The following FNBP4 variants were observed in gnomAD, a reference collection of about 807,000 sequenced individuals.
FNBP4 encodes the protein formin binding protein 4, also known as formin-binding protein 4.
A neutral mutation model predicts 119.3 loss-of-function variants in FNBP4; 34 were observed. That is an observed-to-expected ratio of 0.28 (90% CI 0.22 to 0.38). The LOEUF (loss-of-function observed/expected upper bound fraction) is 0.38. Among genes scored for constraint, FNBP4 ranks in the 10% least tolerant of loss-of-function variants. The probability of loss-of-function intolerance (pLI) is 1.00; values close to 1 mark genes in which losing one functional copy is unlikely to be tolerated. For missense variants in FNBP4, 1,112 were observed against 1,228.9 expected (o/e 0.90, Z 1.42); for synonymous variants, 462 against 430.6 (o/e 1.07, Z -0.90).
At chr11:47,717,635 A>G in intron 16 of FNBP4, 123 bp from the exon 17 acceptor site, 2 of 732,470 alleles carry the variant, frequency 2.7e-6, no homozygotes, top group South Asian at 3.5e-5. Flanking sequence ...GTTTATGAAA[A>G]TCTTTTGTTT....
At chr11:47,722,356 C>G (rs2097556799) in intron 15 of FNBP4, among the ~76,000 whole-genome samples, 1 of 151,650 alleles carries the variant, frequency 6.6e-6, no homozygotes. Context: ...TCAAGCGACT[C>G]TCCCGCCTCA....
intron 15 of FNBP4, among the ~76,000 whole-genome samples, chr11:47,722,126 G>A (rs181264558): frequency 7.0e-6 from 1 of 142,270 alleles, no homozygotes; most frequent in Admixed American, 7.4e-5. Context: ...CAGAAGAAAG[G>A]TTCTACAAAA....
At chr11:47,743,193 A>G (rs1260756580) in intron 8 of FNBP4, among the ~76,000 whole-genome samples, 1 of 152,098 alleles carries the variant, frequency 6.6e-6, no homozygotes, top group African/African-American at 2.4e-5. Flanking sequence ...TTTCCACTAC[A>G]GAATTAGGGC....
At chr11:47,743,695 C>T (rs1031843795) in intron 8 of FNBP4, 35 of 468,528 alleles carry the variant, frequency 7.5e-5, no homozygotes, top group African/African-American at 1.4e-4. Flanking sequence ...GGCTGGGCAA[C>T]GTAGACAGAG....
chr11:47,732,065 C>T lies in FNBP4; in HGVS notation c.1820+472G>A, dbSNP rs1328550940. On this transcript the variant is annotated intron_variant, in intron 11 of 16. Transcript: ENST00000263773. The surrounding 1 kb of genome is among the most constrained non-coding windows in gnomAD (Gnocchi z 4.2). ...ATAAAAGAGCAAAGATTTCAAATAA[C>T]GAAAAAAAAATCAAGAAAAGCCAAA... 100 of 990,772 alleles carry T rather than the reference C, an allele frequency of 1.0e-4. No individual in the cohort carries two copies. Among genetic ancestry groups the T allele is most frequent in the Middle Eastern group, 5.1e-4 (1 of 1,958 alleles). 61.4% of individuals were successfully genotyped at this position (990,772 alleles called of 1,614,324 possible). A position where few individuals can be genotyped will look rare whatever the true frequency, so the allele number is the denominator to read the frequency against.
intron 12 of FNBP4, among the ~76,000 whole-genome samples, chr11:47,728,478 C>A (rs942958060): frequency 6.6e-6 from 1 of 152,126 alleles, no homozygotes; most frequent in African/African-American, 2.4e-5. Context: ...CTCCTGACCT[C>A]AAGTGATCTG....
intron 2 of FNBP4, among the ~76,000 whole-genome samples, chr11:47,759,077 G>A (rs537742824): frequency 5.3e-5 from 8 of 151,732 alleles, no homozygotes; most frequent in Non-Finnish European, 8.8e-5. Context: ...ACGCCACCAC[G>A]ACCTGCTAAT....
intron 6 of FNBP4, among the ~76,000 whole-genome samples, chr11:47,750,131 C>T (rs145528221): frequency 1.3e-5 from 2 of 152,088 alleles, no homozygotes; most frequent in East Asian, 3.9e-4. Context: ...GTAATCTCAG[C>T]ACGTTGGGAG....
intron 6 of FNBP4, among the ~76,000 whole-genome samples, chr11:47,749,882 G>A (rs982787769): frequency 1.3e-5 from 2 of 152,052 alleles, no homozygotes; most frequent in Admixed American, 6.6e-5. Context: ...AATTATCTCC[G>A]ATCCCAGGCA....
At chr11:47,747,772 A>G (rs2097593547) in intron 6 of FNBP4, among the ~76,000 whole-genome samples, 1 of 150,612 alleles carries the variant, frequency 6.6e-6, no homozygotes, top group Admixed American at 6.6e-5. Flanking sequence ...ACATAGTGAA[A>G]CCCCATCTCT....
At chr11:47,730,672 CTTAAGA>C (rs1220017428) in intron 12 of FNBP4, among the ~76,000 whole-genome samples, 4 of 152,170 alleles carry the variant, frequency 2.6e-5, no homozygotes, top group South Asian at 2.1e-4. Flanking sequence ...GCTACCAATT[CTTAAGA>C]TTAACAGGTG....
In FNBP4 at chr11:47,732,990, C is replaced by T. The variant is rs935193896; in HGVS notation, c.1687-320G>A. On this transcript the variant is annotated intron_variant, in intron 10 of 16. Coordinates refer to ENST00000263773, the MANE Select transcript of FNBP4 (RefSeq NM_015308.5). This position sits in a 1 kb window ranked among gnomAD's most constrained non-coding sequence, Gnocchi z 4.2. ...AAAATTAGCTGGGCTTGGTGGCAGG[C>T]GCCTGTAATCCCAGCTACTCGAGAG... Among the ~76,000 whole-genome samples, 7 of 152,026 alleles carry T rather than the reference C, an allele frequency of 4.6e-5. No individual in the cohort carries two copies. In the South Asian group the frequency reaches 6.2e-4, roughly 14 times the overall value.
rs1015272187 is a variant in FNBP4, at chr11:47,767,061, A to G, written c.220+8T>C. On this transcript the variant is annotated splice_region_variant and intron_variant, in intron 1 of 16. Transcript: ENST00000263773. ...AGCTCGAGTTCAGGTCCCCCCGCGCACCCTTGCCTTCTGAAGGCGAGTCGT... is the reference window on the plus strand; with the variant it reads ...AGCTCGAGTTCAGGTCCCCCCGCGCGCCCTTGCCTTCTGAAGGCGAGTCGT... 6.6e-7 allele frequency: 1 copy of G among 1,523,916 alleles called. No homozygotes were observed. The highest frequency in any genetic ancestry group is 1.4e-5 in the African/African-American group (1 of 70,564). 94.4% of individuals were successfully genotyped at this position (1,523,916 alleles called of 1,614,324 possible).
At chr11:47,739,064 A>G (rs1419741005) in intron 8 of FNBP4, among the ~76,000 whole-genome samples, 1 of 150,778 alleles carries the variant, frequency 6.6e-6, no homozygotes, top group Non-Finnish European at 1.5e-5. Context: ...TGGTATGATC[A>G]CAGCTTATTG....
rs1307784176 is a variant in FNBP4 at position 47,716,551 on chromosome 11, A to G, written c.*871T>C. ...TAAAAAAAGCTTTATTAGTGCATAT[A>G]TACAAATTTACAAGGTCAGAAACTG... On this transcript the variant is annotated 3_prime_UTR_variant, in exon 17 of 17. Coordinates refer to ENST00000263773, the MANE Select transcript of FNBP4 (RefSeq NM_015308.5). The G allele has an allele frequency of 6.5e-6, 1 of 152,682 alleles. No individual in the cohort carries two copies. The highest frequency in any genetic ancestry group is 1.9e-4 in the East Asian group (1 of 5,206). The allele number at this position is 152,682 out of a possible 1,614,324, so 9.5% of individuals were successfully genotyped here. A position where few individuals can be genotyped will look rare whatever the true frequency, so the allele number is the denominator to read the frequency against.
In FNBP4 at chr11:47,765,371, AAAAAAAAG is replaced by A; in HGVS notation, c.221-17_221-10del. ...CACCGCTTCCTGTTCATCTGGATTA[AAAAAAAAG>A]AAAAGAAAAGAAAAGAAAAGAAAAG... is the stretch of plus-strand genomic sequence containing the variant. On this transcript the variant is annotated splice_polypyrimidine_tract_variant and intron_variant, in intron 1 of 16. Transcript: ENST00000263773. 1 of 1,450,440 alleles carries A rather than the reference AAAAAAAAG, an allele frequency of 6.9e-7. No homozygotes were observed. Among genetic ancestry groups the A allele is most frequent in the South Asian group, 1.2e-5 (1 of 80,528 alleles). 89.8% of individuals were successfully genotyped at this position (1,450,440 alleles called of 1,614,324 possible).
intron 7 of FNBP4, among the ~76,000 whole-genome samples, chr11:47,744,478 T>A (rs1479131613): frequency 6.6e-6 from 1 of 152,130 alleles, no homozygotes; most frequent in African/African-American, 2.4e-5. Context: ...TTGCTCACAT[T>A]GGTCTCAACT....
At chr11:47,743,847 T>C (rs1007930945) in intron 8 of FNBP4, 106 bp downstream of exon 8, 18 of 998,926 alleles carry the variant, frequency 1.8e-5, no homozygotes, top group African/African-American at 4.8e-5. Flanking sequence ...TCCCAAAGAG[T>C]AAAAGTACAA....
At chr11:47,730,164 G>C in intron 12 of FNBP4, 1 of 985,358 alleles carries the variant, frequency 1.0e-6, no homozygotes, top group African/African-American at 1.7e-5. Context: ...CCAGAACTAC[G>C]ATCAAGCCTC....
Sources: allele counts gnomAD v4.1 joint callset (sites outside exome capture counted in the v4.1 genomes callset), GRCh38; gene constraint gnomAD v4.1.1; non-coding constraint Gnocchi (gnomAD v3.1); transcripts MANE v1.5; gene names NCBI Gene and HGNC (gene_info 2026-07-23, HGNC 2026-07-21).